Variants in ANKRD33B observed in about 807,000 individuals in gnomAD.
ANKRD33B encodes ankyrin repeat domain-containing protein 33B.
Under a neutral mutation model 21.5 loss-of-function variants are expected in ANKRD33B, and 6 were observed. The observed-to-expected ratio is 0.28, with a 90% CI of 0.15 to 0.55. The LOEUF is 0.55. Ranked by LOEUF, ANKRD33B falls within the 20% of genes least tolerant of loss-of-function variation. The pLI is 0.94. For missense variants in ANKRD33B, 698 were observed against 747.2 expected, an observed-to-expected ratio of 0.93 and a Z score of 0.77; for synonymous variants, 347 against 342.4, an observed-to-expected ratio of 1.01 and a Z score of -0.15.
intron 1 of ANKRD33B, among the ~76,000 whole-genome samples, chr5:10,591,119 C>A (rs773242236): frequency 6.6e-6 from 1 of 151,518 alleles, no homozygotes; most frequent in Non-Finnish European, 1.5e-5. Flanking sequence ...TTATGGTTTC[C>A]GGCCTTGCTC....
At chr5:10,599,510 CT>C (rs1031996988) in intron 1 of ANKRD33B, among the ~76,000 whole-genome samples, 18 of 152,288 alleles carry the variant, frequency 1.2e-4, no homozygotes, top group African/African-American at 3.8e-4. Flanking sequence ...CCCTCAGCCC[CT>C]GATAACCTCT....
At position 10,588,802 on chromosome 5, in the gene ANKRD33B, C is replaced by T. The variant is rs564818418; in HGVS notation, c.366+23969C>T. Among the ~76,000 whole-genome samples, 13 of 152,304 alleles carry T rather than the reference C, an allele frequency of 8.5e-5. No homozygotes were observed. The South Asian group carries it at 2.5e-3, about 29-fold the overall frequency. On this transcript the variant is annotated intron_variant, in intron 1 of 3. Coordinates refer to ENST00000296657, the MANE Select transcript of ANKRD33B (RefSeq NM_001164440.2). ...CCATGTGGCATGAGCAGGAAGCAGA[C>T]GTTTGTCGTATGCCATTGGGATGTG... is the stretch of plus-strand genomic sequence containing the variant.
intron 3 of ANKRD33B, among the ~76,000 whole-genome samples, chr5:10,647,259 C>T (rs890201181): frequency 3.9e-5 from 6 of 152,096 alleles, no homozygotes; most frequent in Admixed American, 2.0e-4. Flanking sequence ...TGCCTGCCAC[C>T]ACGCCCAGCT....
At chr5:10,644,054 G>A (rs576609294) in intron 3 of ANKRD33B, among the ~76,000 whole-genome samples, 155 of 149,638 alleles carry the variant, frequency 1.0e-3, no homozygotes, top group Non-Finnish European at 1.7e-3. Flanking sequence ...TTAGTGGAGA[G>A]CAATAAGGAC....
intron 1 of ANKRD33B, among the ~76,000 whole-genome samples, chr5:10,589,545 T>C (rs1248589497): frequency 2.0e-5 from 3 of 152,222 alleles, no homozygotes; most frequent in Non-Finnish European, 4.4e-5. Flanking sequence ...TATTTGTGCA[T>C]TTTTGTTGAT....
chr5:10,612,322 C>A (rs1265681178), intron 1 of ANKRD33B, among the ~76,000 whole-genome samples: 1 of 152,200 alleles, frequency 6.6e-6, no homozygotes, highest in Non-Finnish European at 1.5e-5. Context: ...GTTTCATAGA[C>A]AGCACCTTCT....
chr5:10,577,451 C>G (rs1490816287), intron 1 of ANKRD33B, among the ~76,000 whole-genome samples: 1 of 152,218 alleles, frequency 6.6e-6, no homozygotes, highest in East Asian at 1.9e-4. Context: ...GCACCAGTTA[C>G]TGCAAAGACC....
intron 1 of ANKRD33B, among the ~76,000 whole-genome samples, chr5:10,603,060 C>T (rs766999818): frequency 9.9e-5 from 15 of 151,084 alleles, no homozygotes; most frequent in Non-Finnish European, 1.0e-4. Context: ...GCCATCCTCC[C>T]GTCTCAGCCT....
intron 1 of ANKRD33B, among the ~76,000 whole-genome samples, chr5:10,611,640 C>T (rs1054004371): frequency 1.3e-5 from 2 of 152,232 alleles, no homozygotes; most frequent in African/African-American, 4.8e-5. Context: ...CCCCTTGCCA[C>T]TTGCCACCCC....
At position 10,564,884 on chromosome 5, in the gene ANKRD33B, C is replaced by T. The variant is rs150429109; in HGVS notation, c.366+51C>T. ...GAGCCCCCTCACTGCCCCCACTCCC[C>T]TCCTCCCCACCACATCCCCGCGCCT... is the stretch of plus-strand genomic sequence containing the variant. On this transcript the variant is annotated intron_variant, in intron 1 of 3. Transcript: ENST00000296657. 163 of 1,453,140 alleles carry T rather than the reference C, an allele frequency of 1.1e-4. 1 individual carries two copies. The African/African-American group carries it at 1.4e-3, about 13-fold the overall frequency. The allele number at this position is 1,453,140 out of a possible 1,614,324, so 90.0% of individuals were successfully genotyped here. A position where few individuals can be genotyped will look rare whatever the true frequency, so the allele number is the denominator to read the frequency against.
chr5:10,574,854 A>ATCAT (rs1560960573), intron 1 of ANKRD33B, among the ~76,000 whole-genome samples: 2 of 62,882 alleles, frequency 3.2e-5, no homozygotes, highest in African/African-American at 4.6e-5. Context: ...CTGAAGCGGG[A>ATCAT]GAGCTGCTTA....
chr5:10,590,125 A>G (rs1344564688), intron 1 of ANKRD33B, among the ~76,000 whole-genome samples: 2 of 151,722 alleles, frequency 1.3e-5, no homozygotes, highest in African/African-American at 4.8e-5. Flanking sequence ...AAAGTTCCTC[A>G]TTTGTCATTA....
intron 1 of ANKRD33B, among the ~76,000 whole-genome samples, chr5:10,565,880 A>AGTCT (rs1735041406): frequency 2.6e-5 from 4 of 152,156 alleles, no homozygotes; most frequent in Admixed American, 6.5e-5. Flanking sequence ...TTTGCTCAGG[A>AGTCT]GCCTGCAGCT....
chr5:10,592,232 C>T (rs1338699961), intron 1 of ANKRD33B, among the ~76,000 whole-genome samples: 3 of 152,024 alleles, frequency 2.0e-5, no homozygotes, highest in Non-Finnish European at 4.4e-5. Flanking sequence ...TTTCTTCTCA[C>T]CAATTTGTGG....
intron 1 of ANKRD33B, among the ~76,000 whole-genome samples, chr5:10,571,355 C>T (rs376108800): frequency 2.0e-5 from 3 of 152,150 alleles, no homozygotes; most frequent in Admixed American, 1.3e-4. Flanking sequence ...GCATGCGTCA[C>T]GATGCCCAGC....
chr5:10,625,418 C>T (rs1458260924), intron 2 of ANKRD33B, among the ~76,000 whole-genome samples: 2 of 152,150 alleles, frequency 1.3e-5, no homozygotes, highest in Admixed American at 6.5e-5. Context: ...TATGTATGTG[C>T]GCTTTGTATT....
At chr5:10,636,339 C>T (rs1288669908) in intron 2 of ANKRD33B, among the ~76,000 whole-genome samples, 2 of 152,198 alleles carry the variant, frequency 1.3e-5, no homozygotes, top group African/African-American at 4.8e-5. Context: ...TGGCCAGACA[C>T]AGTGGCTCAC....
intron 1 of ANKRD33B, among the ~76,000 whole-genome samples, chr5:10,614,225 A>C (rs1450542674): frequency 6.6e-6 from 1 of 152,092 alleles, no homozygotes; most frequent in East Asian, 1.9e-4. Context: ...TAAAGTCTTC[A>C]GCTGATTGGA....
chr5:10,646,672 A>G (rs957776517), intron 3 of ANKRD33B, among the ~76,000 whole-genome samples: 4 of 152,240 alleles, frequency 2.6e-5, no homozygotes, highest in African/African-American at 9.6e-5. Flanking sequence ...TTAAGGTTTA[A>G]TGTGTCATCT....
Sources: gnomAD v4.1 joint callset for allele counts (sites outside exome capture counted in the v4.1 genomes callset) on GRCh38, gnomAD v4.1.1 for gene constraint, MANE v1.5 for transcripts, NCBI Gene and HGNC (gene_info 2026-07-23, HGNC 2026-07-21) for gene names.